KSR2: variants seen among roughly 807,000 people sequenced by gnomAD.
The protein encoded by KSR2 is kinase suppressor of ras 2.
Under a neutral mutation model 107.8 loss-of-function variants are expected in KSR2, and 25 were observed. That is an observed-to-expected ratio of 0.23 (90% CI 0.17 to 0.32). The LOEUF is 0.32. Among genes scored for constraint, KSR2 ranks in the 10% least tolerant of loss-of-function variants. The probability of loss-of-function intolerance (pLI) is 1.00; values close to 1 mark genes in which losing one functional copy is unlikely to be tolerated. For synonymous variants in KSR2, 480 were observed against 507.0 expected, an observed-to-expected ratio of 0.95 and a Z score of 0.71; for missense variants, 887 against 1,268.9, an observed-to-expected ratio of 0.70 and a Z score of 4.57.
At chr12:117,804,772 A>G (rs1467190060) in intron 3 of KSR2, among the ~76,000 whole-genome samples, 1 of 152,176 alleles carries the variant, frequency 6.6e-6, no homozygotes, top group African/African-American at 2.4e-5. Flanking sequence ...CTTAATGAGA[A>G]TTTAAATTGC....
intron 1 of KSR2, among the ~76,000 whole-genome samples, chr12:117,872,290 A>C (rs1462637356): frequency 1.6e-4 from 24 of 152,204 alleles, no homozygotes; most frequent in Non-Finnish European, 2.9e-5. Context: ...CTTCAACTGA[A>C]GATGTCTGTT....
chr12:117,935,193 T>A (rs1047028759), intron 1 of KSR2, among the ~76,000 whole-genome samples: 3 of 151,814 alleles, frequency 2.0e-5, no homozygotes, highest in Non-Finnish European at 4.4e-5. Context: ...TAGAGTGCAA[T>A]GGCCCGATCA....
chr12:117,549,587 C>T (rs1384015459), intron 9 of KSR2, among the ~76,000 whole-genome samples: 1 of 152,000 alleles, frequency 6.6e-6, no homozygotes, highest in Non-Finnish European at 1.5e-5. Context: ...CATGGTGGCC[C>T]CTCAGTAAAT....
intron 12 of KSR2, among the ~76,000 whole-genome samples, 187 bp from the exon 13 acceptor site, chr12:117,527,306 CACACACACACACACACACAG>C (rs1875251607): frequency 2.3e-5 from 3 of 131,526 alleles, no homozygotes; most frequent in African/African-American, 7.7e-5. Context: ...CACACAGACA[CACACACACACACACACACAG>C]ACACACACAC....
intron 7 of KSR2, among the ~76,000 whole-genome samples, chr12:117,567,600 ACT>A (rs1326611517): frequency 6.8e-6 from 1 of 147,738 alleles, no homozygotes; most frequent in African/African-American, 2.5e-5. Context: ...TATCTTCCCT[ACT>A]CTCTGTACCT....
chr12:117,861,481 C>T (rs969754139), intron 1 of KSR2, among the ~76,000 whole-genome samples: 8 of 145,246 alleles, frequency 5.5e-5, no homozygotes, highest in African/African-American at 7.7e-5. Context: ...CTCCGCCTCC[C>T]GGGTTCACGC....
At chr12:117,712,011 G>A (rs931617787) in intron 4 of KSR2, among the ~76,000 whole-genome samples, 2 of 152,186 alleles carry the variant, frequency 1.3e-5, no homozygotes, top group African/African-American at 4.8e-5. Flanking sequence ...CTGCCTGCAT[G>A]TGAGGCACCC....
intron 4 of KSR2, among the ~76,000 whole-genome samples, chr12:117,695,515 G>C (rs1475664625): frequency 6.7e-6 from 1 of 149,202 alleles, no homozygotes; most frequent in East Asian, 2.0e-4. Flanking sequence ...AGACCAGCCT[G>C]GGAAACATGA....
At chr12:117,966,097 C>T (rs949643998) in intron 1 of KSR2, among the ~76,000 whole-genome samples, 1 of 152,176 alleles carries the variant, frequency 6.6e-6, no homozygotes, top group African/African-American at 2.4e-5. Context: ...GCCATCCTAC[C>T]AGTGCCTCCA....
chr12:117,824,295 G>T (rs1347165819), intron 3 of KSR2, among the ~76,000 whole-genome samples: 3 of 152,070 alleles, frequency 2.0e-5, no homozygotes, highest in Admixed American at 6.6e-5. Context: ...TTGGATTAAT[G>T]GGTACAAATA....
chr12:117,548,949 C>A (rs1877083979), intron 9 of KSR2, among the ~76,000 whole-genome samples: 1 of 152,150 alleles, frequency 6.6e-6, no homozygotes, highest in Non-Finnish European at 1.5e-5. Flanking sequence ...TGATCTCAGA[C>A]CCTGTGTGGA....
chr12:117,855,312 C>G (rs1288332763), intron 3 of KSR2, 116 bp downstream of exon 3: 1 of 1,394,266 alleles, frequency 7.2e-7, no homozygotes, highest in African/African-American at 1.4e-5. Context: ...CGGATTTGCC[C>G]CCCAGGGTTG....
chr12:117,731,861 A>C (rs657710), intron 4 of KSR2, among the ~76,000 whole-genome samples: 94,382 of 130,022 alleles, frequency 0.73, 35,357 homozygotes, highest in Middle Eastern at 0.79. Context: ...GTCATCACCA[A>C]TCCCTAATCT....
chr12:117,855,313 C>G, intron 3 of KSR2, 115 bp downstream of exon 3: 1 of 1,406,594 alleles, frequency 7.1e-7, no homozygotes. Context: ...GGATTTGCCC[C>G]CCAGGGTTGA....
chr12:117,923,425 G>T lies in KSR2; in HGVS notation c.180+44651C>A, dbSNP rs146974593. ...CATGATGCCAGATGTAGTGGCTCAT[G>T]CCTGTAATCCCAGCACTTTGGAAGG... On this transcript the variant is annotated intron_variant, in intron 1 of 19. Transcript: ENST00000339824. Among the ~76,000 whole-genome samples the T allele has an allele frequency of 3.5e-4, 54 of 152,250 alleles. 1 individual carries two copies. Among genetic ancestry groups the T allele is most frequent in the African/African-American group, 1.2e-3 (51 of 41,550 alleles).
At chr12:117,720,389 G>T (rs537898414) in intron 4 of KSR2, among the ~76,000 whole-genome samples, 7 of 152,192 alleles carry the variant, frequency 4.6e-5, no homozygotes, top group African/African-American at 1.7e-4. Context: ...CACAACACTT[G>T]TATATATAAT....
intron 1 of KSR2, among the ~76,000 whole-genome samples, chr12:117,928,558 A>T (rs556671218): frequency 6.6e-6 from 1 of 152,174 alleles, no homozygotes; most frequent in Non-Finnish European, 1.5e-5. Context: ...TTATTTATCC[A>T]TGTATCTGCT....
intron 7 of KSR2, among the ~76,000 whole-genome samples, chr12:117,571,883 T>C (rs894680900): frequency 2.0e-5 from 3 of 152,094 alleles, no homozygotes; most frequent in African/African-American, 4.8e-5. Context: ...GTCCTGTCCT[T>C]GGCAAACAAC....
intron 14 of KSR2, among the ~76,000 whole-genome samples, chr12:117,505,519 T>C (rs965011880): frequency 6.6e-6 from 1 of 152,226 alleles, no homozygotes; most frequent in African/African-American, 2.4e-5. Context: ...TCCTGGAGTC[T>C]GATCTGTAAA....
Sources: gnomAD v4.1 joint callset for allele counts (sites outside exome capture counted in the v4.1 genomes callset) on GRCh38, gnomAD v4.1.1 for gene constraint, MANE v1.5 for transcripts, NCBI Gene and HGNC (gene_info 2026-07-23, HGNC 2026-07-21) for gene names.